The following PPM1A variants were observed in gnomAD, a reference collection of about 807,000 sequenced individuals.
PPM1A encodes the protein protein phosphatase 1A.
PPM1A carries 7 observed loss-of-function variants against 35.0 expected under a neutral mutation model. The observed-to-expected ratio is 0.20, with a 90% confidence interval of 0.11 to 0.38. The LOEUF (loss-of-function observed/expected upper bound fraction) is 0.38. PPM1A is among the 10% of genes least tolerant of loss of function. The pLI is 1.00. For missense variants in PPM1A, 239 were observed against 467.8 expected (o/e 0.51, Z 4.51); for synonymous variants, 153 against 167.3 (o/e 0.91, Z 0.66).
chr14:60,258,889 C>G (rs1883438311), intron 1 of PPM1A, among the ~76,000 whole-genome samples: 1 of 151,978 alleles, frequency 6.6e-6, no homozygotes, highest in Non-Finnish European at 1.5e-5. Context: ...AGAGATAATT[C>G]ACCAGATAAA....
intron 1 of PPM1A, among the ~76,000 whole-genome samples, chr14:60,262,547 G>A (rs529624545): frequency 8.5e-5 from 13 of 152,278 alleles, no homozygotes; most frequent in Admixed American, 4.6e-4. Flanking sequence ...TTAGCTGGAC[G>A]TGGTGGCACA....
intron 1 of PPM1A, among the ~76,000 whole-genome samples, chr14:60,255,210 C>T (rs1882956383): frequency 7.6e-6 from 1 of 131,588 alleles, no homozygotes; most frequent in African/African-American, 3.3e-5. Flanking sequence ...CTCGCTCTGT[C>T]GCCCAGGCTG....
chr14:60,286,220 T>G (rs1339474855), intron 3 of PPM1A: 1 of 985,924 alleles, frequency 1.0e-6, no homozygotes, highest in Non-Finnish European at 1.2e-6. Flanking sequence ...TACACAGCTT[T>G]AAAAAATTTG....
chr14:60,268,338 T>A, intron 1 of PPM1A: 4 of 980,690 alleles, frequency 4.1e-6, no homozygotes, highest in Non-Finnish European at 4.8e-6. Flanking sequence ...AAAAAATTTG[T>A]TTTCCGAGAA....
chr14:60,279,191 T>C lies in PPM1A; in HGVS notation c.-20-3493T>C, dbSNP rs145711343. ...TAGAGTGCAATGGCATGATCTTGGC[T>C]CACTGCAACCTCCACCTCCCAGGTT... On this transcript the variant is annotated intron_variant, in intron 1 of 5. Transcript: ENST00000395076. Among the ~76,000 whole-genome samples the C allele has an allele frequency of 3.7e-3, 557 of 152,334 alleles. 2 individuals are homozygous for C. The highest frequency in any genetic ancestry group is 0.012 in the African/African-American group (518 of 41,570).
intron 1 of PPM1A, among the ~76,000 whole-genome samples, chr14:60,278,799 T>G (rs1886057377): frequency 1.3e-5 from 2 of 152,238 alleles, no homozygotes; most frequent in Admixed American, 6.5e-5. Context: ...TCTTCTTTTG[T>G]TTTTTAGGAA....
At chr14:60,266,731 A>G (rs1261788652) in intron 1 of PPM1A, among the ~76,000 whole-genome samples, 1 of 152,176 alleles carries the variant, frequency 6.6e-6, no homozygotes, top group Non-Finnish European at 1.5e-5. Flanking sequence ...AAGTTTAAAT[A>G]TCAGGTATTG....
chr14:60,287,927 A>C, intron 3 of PPM1A: 1 of 985,340 alleles, frequency 1.0e-6, no homozygotes. Flanking sequence ...AAAGGAGCAG[A>C]ATGTGTTTGT....
chr14:60,261,717 C>G (rs1014381039), intron 1 of PPM1A, among the ~76,000 whole-genome samples: 3 of 152,078 alleles, frequency 2.0e-5, no homozygotes, highest in Non-Finnish European at 2.9e-5. Flanking sequence ...CACTTTTTAT[C>G]CAGAAAATGG....
At chr14:60,264,624 ATCTT>A (rs1231870644) in intron 1 of PPM1A, among the ~76,000 whole-genome samples, 2 of 152,250 alleles carry the variant, frequency 1.3e-5, no homozygotes, top group Admixed American at 6.5e-5. Context: ...GAAGATTCAT[ATCTT>A]TCTTTGTTTC....
In PPM1A at chr14:60,292,578, AAGG is replaced by A; in HGVS notation, c.*97_*99del. On this transcript the variant is annotated 3_prime_UTR_variant, in exon 6 of 6. Coordinates refer to ENST00000395076, the MANE Select transcript of PPM1A (RefSeq NM_021003.5). The surrounding 1 kb of genome is among the most constrained non-coding windows in gnomAD (Gnocchi z 4.2). The stretch of plus-strand genomic sequence containing the variant: ...TTAACATCCATCCTCAACTTTAAGG[AAGG>A]GGATATGACATGGGTGAGAATGATT... The A allele has an allele frequency of 9.1e-7, 1 of 1,099,916 alleles. No homozygotes were observed. The highest frequency in any genetic ancestry group is 1.4e-6 in the Non-Finnish European group (1 of 735,364). The allele number at this position is 1,099,916 out of a possible 1,614,324, so 68.1% of individuals were successfully genotyped here.
At chr14:60,274,641 A>T (rs1566589300) in intron 1 of PPM1A, among the ~76,000 whole-genome samples, 1 of 151,114 alleles carries the variant, frequency 6.6e-6, no homozygotes, top group Non-Finnish European at 1.5e-5. Context: ...GAAAAGTAGG[A>T]GGGGAGGGTT....
At chr14:60,250,322 C>T (rs1008399276) in intron 1 of PPM1A, 2 of 529,106 alleles carry the variant, frequency 3.8e-6, no homozygotes, top group Admixed American at 6.4e-5. Context: ...CTACGTAAAT[C>T]GGGTAAAACT....
Position 60,273,131 on chromosome 14 carries a change from T to G in PPM1A, c.-20-9553T>G, listed in dbSNP as rs1188837128. The stretch of plus-strand genomic sequence containing the variant: ...TTTATATGCATATTTACTTTTTGGG[T>G]GCACTCTCCTTGTTAATGAGTTATT... On this transcript the variant is annotated intron_variant, in intron 1 of 5. Coordinates refer to ENST00000395076, the MANE Select transcript of PPM1A (RefSeq NM_021003.5). This position sits in a 1 kb window ranked among gnomAD's most constrained non-coding sequence, Gnocchi z 4.3. Among the ~76,000 whole-genome samples, 1 of 152,198 alleles carries G rather than the reference T, an allele frequency of 6.6e-6. No individual in the cohort carries two copies. The highest frequency in any genetic ancestry group is 1.9e-4 in the East Asian group (1 of 5,202).
At chr14:60,287,663 A>T (rs1351137426) in intron 3 of PPM1A, 7 of 985,196 alleles carry the variant, frequency 7.1e-6, no homozygotes. Context: ...TGTCCACACC[A>T]TAGAAAAGGA....
At position 60,275,069 on chromosome 14, in the gene PPM1A, C is replaced by CTT. The variant is rs11424314; in HGVS notation, c.-20-7602_-20-7601dup. On this transcript the variant is annotated intron_variant, in intron 1 of 5. Transcript: ENST00000395076. Reference sequence around the variant, plus strand: ...TAGATTTCTTTCTTTTCTCTTCTTCCTTTTTTTTTTTTTTAAGGTCATTTA... The same window carrying CTT: ...TAGATTTCTTTCTTTTCTCTTCTTCCTTTTTTTTTTTTTTTTAAGGTCATTTA... 2.7e-3 allele frequency among the ~76,000 whole-genome samples: 380 copies of CTT among 138,522 alleles called. 3 individuals are homozygous for CTT. Among genetic ancestry groups the CTT allele is most frequent in the East Asian group, 0.024 (116 of 4,842 alleles). The allele number at this position is 138,522 out of a possible 152,430, so 90.9% of individuals were successfully genotyped here.
rs1273650783 is a variant in PPM1A at position 60,273,276 on chromosome 14, T to G, written c.-20-9408T>G. Among the ~76,000 whole-genome samples, 1 of 152,214 alleles carries G rather than the reference T, an allele frequency of 6.6e-6. No homozygotes were observed. Among genetic ancestry groups the G allele is most frequent in the African/African-American group, 2.4e-5 (1 of 41,458 alleles). ...TCCTTTGAAGAATTGATGCTTGAGCTGAGATCTCAGGAATGAGTAGGAATT... is the reference window on the plus strand; with the variant it reads ...TCCTTTGAAGAATTGATGCTTGAGCGGAGATCTCAGGAATGAGTAGGAATT... On this transcript the variant is annotated intron_variant, in intron 1 of 5. Coordinates refer to ENST00000395076, the MANE Select transcript of PPM1A (RefSeq NM_021003.5). The surrounding 1 kb of genome is among the most constrained non-coding windows in gnomAD (Gnocchi z 4.3).
chr14:60,271,522 T>A (rs1221149656), intron 1 of PPM1A, among the ~76,000 whole-genome samples: 1 of 152,210 alleles, frequency 6.6e-6, no homozygotes, highest in Non-Finnish European at 1.5e-5. Flanking sequence ...ACTGTCCTCT[T>A]TACCGAATGA....
intron 3 of PPM1A, chr14:60,287,549 C>CT (rs1210092401): frequency 7.1e-6 from 7 of 985,126 alleles, no homozygotes; most frequent in Non-Finnish European, 8.4e-6. Context: ...ACCTGAATGC[C>CT]TTTTTCTTTT....
Sources: allele counts gnomAD v4.1 joint callset (sites outside exome capture counted in the v4.1 genomes callset), GRCh38; gene constraint gnomAD v4.1.1; non-coding constraint Gnocchi (gnomAD v3.1); transcripts MANE v1.5; gene names NCBI Gene and HGNC (gene_info 2026-07-23, HGNC 2026-07-21).